The following PRKN variants were observed in gnomAD, a reference collection of about 807,000 sequenced individuals.
PRKN encodes the protein E3 ubiquitin-protein ligase parkin.
Under a neutral mutation model 59.5 loss-of-function variants are expected in PRKN, and 56 were observed. The observed-to-expected ratio is 0.94, with a 90% CI of 0.76 to 1.18. The LOEUF is 1.18. PRKN is among the 50% of genes most tolerant of loss of function. The probability of loss-of-function intolerance (pLI) is 0.00; values close to 1 mark genes in which losing one functional copy is unlikely to be tolerated. For missense variants in PRKN, 657 were observed against 596.4 expected (o/e 1.10, Z -1.06); for synonymous variants, 250 against 222.1 (o/e 1.13, Z -1.12).
At chr6:162,626,212 CTGTTA>C (rs1270492278) in intron 1 of PRKN, among the ~76,000 whole-genome samples, 1 of 152,152 alleles carries the variant, frequency 6.6e-6, no homozygotes, top group Non-Finnish European at 1.5e-5. Context: ...GAATTTACCA[CTGTTA>C]TGTTCTTTCA....
chr6:161,782,932 G>A lies in PRKN; in HGVS notation c.871+2840C>T, dbSNP rs374948031. Among the ~76,000 whole-genome samples, 948 of 151,888 alleles carry A rather than the reference G, an allele frequency of 6.2e-3. 17 individuals carry two copies. Among genetic ancestry groups the A allele is most frequent in the African/African-American group, 0.022 (900 of 41,416 alleles). On this transcript the variant is annotated intron_variant, in intron 7 of 11. Transcript: ENST00000366898. ...AATTAATTAAAAAATTTAAAAAAAA[G>A]CAATGAGAAATACATATTCAATTGA...
At chr6:162,126,204 G>A (rs947469902) in intron 4 of PRKN, among the ~76,000 whole-genome samples, 2 of 152,154 alleles carry the variant, frequency 1.3e-5, no homozygotes, top group African/African-American at 2.4e-5. Flanking sequence ...AACAAAGACC[G>A]AGACACAGAG....
At chr6:162,089,525 C>A (rs1181610631) in intron 4 of PRKN, among the ~76,000 whole-genome samples, 2 of 152,204 alleles carry the variant, frequency 1.3e-5, no homozygotes, top group Non-Finnish European at 2.9e-5. Context: ...TCTCCAGCAA[C>A]TTCCCTTCTA....
intron 7 of PRKN, among the ~76,000 whole-genome samples, chr6:161,634,197 C>A (rs1783427664): frequency 6.6e-6 from 1 of 152,246 alleles, no homozygotes; most frequent in Middle Eastern, 3.4e-3. Flanking sequence ...AAGCACATCC[C>A]CTTGTCGGCC....
intron 9 of PRKN, among the ~76,000 whole-genome samples, chr6:161,505,309 T>C (rs28750382): frequency 0.08 from 12,112 of 151,736 alleles, 675 homozygotes; most frequent in African/African-American, 0.16. Context: ...GTTTTTTGGC[T>C]GCATAAATGT....
intron 2 of PRKN, among the ~76,000 whole-genome samples, chr6:162,312,969 T>G (rs1366938902): frequency 6.6e-6 from 1 of 152,170 alleles, no homozygotes; most frequent in African/African-American, 2.4e-5. Context: ...GGATTTTCTT[T>G]AATCTAGATG....
chr6:162,269,384 G>T (rs1780275764), intron 2 of PRKN, among the ~76,000 whole-genome samples: 1 of 152,132 alleles, frequency 6.6e-6, no homozygotes, highest in African/African-American at 2.4e-5. Flanking sequence ...ATTCCAGATG[G>T]CGTTAGTAAC....
At chr6:162,079,666 C>T (rs2128293259) in intron 4 of PRKN, among the ~76,000 whole-genome samples, 1 of 152,134 alleles carries the variant, frequency 6.6e-6, no homozygotes, top group South Asian at 2.1e-4. Flanking sequence ...CTGCCCACTT[C>T]CCTCCTTCCC....
At chr6:162,591,286 A>C (rs1781296378) in intron 1 of PRKN, among the ~76,000 whole-genome samples, 1 of 152,002 alleles carries the variant, frequency 6.6e-6, no homozygotes, top group South Asian at 2.1e-4. Context: ...TTTTGTTAGT[A>C]TCATCTAAAC....
rs768777765 is a variant in PRKN, at chr6:161,423,763, T to A, written c.1084-36886A>T. Among the ~76,000 whole-genome samples, 7 of 152,154 alleles carry A rather than the reference T, an allele frequency of 4.6e-5. No homozygotes were observed. The highest frequency in any genetic ancestry group is 1.0e-4 in the Non-Finnish European group (7 of 68,030). On this transcript the variant is annotated intron_variant, in intron 9 of 11. Coordinates refer to ENST00000366898, the MANE Select transcript of PRKN (RefSeq NM_004562.3). The surrounding 1 kb of genome is among the most constrained non-coding windows in gnomAD (Gnocchi z 5.9). ...CATAGGCTACACACAACCACTATCA[T>A]CTTTCTCCACCATTTGTCTAGAAGA...
chr6:161,686,464 C>T (rs1343243713), intron 7 of PRKN, among the ~76,000 whole-genome samples: 2 of 152,212 alleles, frequency 1.3e-5, no homozygotes, highest in African/African-American at 4.8e-5. Context: ...TATAAATCTT[C>T]ACACTTTGTT....
At chr6:162,364,633 C>T (rs906069169) in intron 2 of PRKN, among the ~76,000 whole-genome samples, 1 of 152,114 alleles carries the variant, frequency 6.6e-6, no homozygotes, top group South Asian at 2.1e-4. Context: ...GCTCACATGG[C>T]CAGACAGCAA....
Position 162,230,313 on chromosome 6 carries a change from G to A in PRKN, c.413-29061C>T, listed in dbSNP as rs570063162. ...AGTATGACAACAGTGACGGTTCACA[G>A]AGCAGGATGTAGCTGGCTGCATTTG... is the stretch of plus-strand genomic sequence containing the variant. On this transcript the variant is annotated intron_variant, in intron 3 of 11. Coordinates refer to ENST00000366898, the MANE Select transcript of PRKN (RefSeq NM_004562.3). 2.2e-4 allele frequency among the ~76,000 whole-genome samples: 34 copies of A among 152,356 alleles called. No homozygotes were observed. In the South Asian group the frequency reaches 6.2e-3, roughly 28 times the overall value.
chr6:161,880,452 AGC>A (rs1228281485), intron 6 of PRKN, among the ~76,000 whole-genome samples: 1 of 152,198 alleles, frequency 6.6e-6, no homozygotes, highest in Non-Finnish European at 1.5e-5. Flanking sequence ...ATATAACCTC[AGC>A]TATCTACATC....
At chr6:162,532,627 G>C (rs532087251) in intron 1 of PRKN, among the ~76,000 whole-genome samples, 1 of 152,128 alleles carries the variant, frequency 6.6e-6, no homozygotes, top group African/African-American at 2.4e-5. Context: ...ATTAACTTCC[G>C]TCTGAATTAA....
intron 6 of PRKN, among the ~76,000 whole-genome samples, chr6:161,880,889 G>A (rs946386152): frequency 6.6e-6 from 1 of 152,188 alleles, no homozygotes; most frequent in African/African-American, 2.4e-5. Flanking sequence ...CCGCCAGCAC[G>A]TTCAGGGTTA....
At chr6:162,679,169 G>A (rs978129871) in intron 1 of PRKN, among the ~76,000 whole-genome samples, 5 of 151,182 alleles carry the variant, frequency 3.3e-5, no homozygotes, top group African/African-American at 7.3e-5. Context: ...GTGCAATCTC[G>A]CCTCACTGCA....
intron 4 of PRKN, among the ~76,000 whole-genome samples, chr6:162,136,033 T>C (rs528151655): frequency 1.1e-3 from 169 of 151,786 alleles, no homozygotes; most frequent in South Asian, 2.9e-3. Context: ...CCAGAATACA[T>C]TGTACATATA....
chr6:161,385,171 G>C lies in PRKN; in HGVS notation c.1167+1623C>G, dbSNP rs918828594. 6.6e-6 allele frequency among the ~76,000 whole-genome samples: 1 copy of C among 150,946 alleles called. No individual in the cohort carries two copies. Among genetic ancestry groups the C allele is most frequent in the Non-Finnish European group, 1.5e-5 (1 of 67,792 alleles). The stretch of plus-strand genomic sequence containing the variant: ...TCTCAATCTCTTGACCTCATGATCC[G>C]CCCACCTCGGCCTCCCAAAGTGCTG... On this transcript the variant is annotated intron_variant, in intron 10 of 11. Coordinates refer to ENST00000366898, the MANE Select transcript of PRKN (RefSeq NM_004562.3). This position sits in a 1 kb window ranked among gnomAD's most constrained non-coding sequence, Gnocchi z 4.9.
Sources: gnomAD v4.1 joint callset for allele counts (sites outside exome capture counted in the v4.1 genomes callset) on GRCh38, gnomAD v4.1.1 for gene constraint, Gnocchi (gnomAD v3.1) non-coding constraint, MANE v1.5 for transcripts, NCBI Gene and HGNC (gene_info 2026-07-23, HGNC 2026-07-21) for gene names.